The following TSC2 variants were observed in gnomAD, a reference collection of about 807,000 sequenced individuals.
The protein encoded by TSC2 is tuberin.
A neutral mutation model predicts 202.2 loss-of-function variants in TSC2; 29 were observed. The observed-to-expected ratio is 0.14, with a 90% CI of 0.11 to 0.20. The LOEUF (loss-of-function observed/expected upper bound fraction) is 0.20, where lower values mean the gene tolerates loss of function less well. Among genes scored for constraint, TSC2 ranks in the 10% least tolerant of loss-of-function variants. TSC2 has a pLI of 1.00. For missense variants in TSC2, 2,429 were observed against 2,420.0 expected (o/e 1.00, Z -0.08); for synonymous variants, 1,349 against 1,044.0 (o/e 1.29, Z -5.63).
At position 2,079,507 on chromosome 16, in the gene TSC2, G is replaced by A. The variant is rs373481645; in HGVS notation, c.3285-50G>A. ...GAGCCCAGGCCCACGTGGCACCCTC[G>A]TACCAGCCTGGGGACTAAGTCCACC... On this transcript the variant is annotated intron_variant, in intron 28 of 41. Coordinates refer to ENST00000219476, the MANE Select transcript of TSC2 (RefSeq NM_000548.5). The surrounding 1 kb of genome is among the most constrained non-coding windows in gnomAD (Gnocchi z 4.6). 6 of 1,605,728 alleles carry A rather than the reference G, an allele frequency of 3.7e-6. No homozygotes were observed. The highest frequency in any genetic ancestry group is 2.2e-5 in the South Asian group (2 of 90,234).
chr16:2,074,723 A>T (rs1024603647), intron 22 of TSC2: 1 of 414,936 alleles, frequency 2.4e-6, no homozygotes, highest in Admixed American at 3.6e-5. Context: ...CTTCCCCCAG[A>T]CTGTGACTTC....
chr16:2,088,134 G>A lies in TSC2; in HGVS notation c.5155G>A (p.Ala1719Thr), dbSNP rs201206500. The A allele has an allele frequency of 2.1e-5, 34 of 1,612,966 alleles. No homozygotes were observed. Among genetic ancestry groups the A allele is most frequent in the African/African-American group, 4.0e-5 (3 of 75,056 alleles). The change falls in exon 40 of 42, where the codon GCA becomes ACA. Residue 1719 changes from alanine (A) to threonine (T), a missense_variant. Coordinates refer to ENST00000219476, the MANE Select transcript of TSC2 (RefSeq NM_000548.5). ...PFVARQMALHANMASQVHHSR... is the reference protein window; with the variant it reads ...PFVARQMALHTNMASQVHHSR... ...CGTGGCCCGCCAGATGGCCCTGCAC[G>A]CAAATGTGAGTGGGGGTGGGTCCAG...
Position 2,060,789 on chromosome 16 carries a change from C to G in TSC2, c.1095C>G (p.Ile365Met), listed in dbSNP as rs757135168. Residue 365 changes from isoleucine to methionine, a missense_variant, in exon 11 of 42, where the codon ATC becomes ATG. Coordinates refer to ENST00000219476, the MANE Select transcript of TSC2 (RefSeq NM_000548.5). ...CGTGGGACATTCTGCTGAACATCATCGAACGGCTCCTTCAGCAGCTCCAGG... is the reference window on the plus strand; with the variant it reads ...CGTGGGACATTCTGCTGAACATCATGGAACGGCTCCTTCAGCAGCTCCAGG... The part of the protein sequence containing the change: ...VVAWDILLNI[I>M]ERLLQQLQTL... The G allele has an allele frequency of 6.2e-7, 1 of 1,613,736 alleles. No individual in the cohort carries two copies. The highest frequency in any genetic ancestry group is 8.5e-7 in the Non-Finnish European group (1 of 1,179,892).
chr16:2,064,045 C>G (rs938522983), intron 14 of TSC2: 3 of 658,250 alleles, frequency 4.6e-6, no homozygotes, highest in Non-Finnish European at 8.0e-6. Context: ...CCCGGCCGCC[C>G]TGCGGTGCTC....
intron 25 of TSC2, 65 bp downstream of exon 25, chr16:2,076,650 G>A (rs1797883997): frequency 6.6e-7 from 1 of 1,524,958 alleles, no homozygotes; most frequent in Non-Finnish European, 9.0e-7. Context: ...GCTGTGGCCT[G>A]CCTGACGGTG....
chr16:2,056,030 C>A, intron 6 of TSC2, 166 bp from the exon 7 acceptor site: 1 of 755,540 alleles, frequency 1.3e-6, no homozygotes, highest in Non-Finnish European at 2.3e-6. Flanking sequence ...GCACCGAGAG[C>A]AGTGGCTGGC....
intron 2 of TSC2, among the ~76,000 whole-genome samples, chr16:2,049,783 C>T (rs1205023846): frequency 1.3e-5 from 2 of 151,628 alleles, no homozygotes; most frequent in African/African-American, 4.8e-5. Flanking sequence ...GTGATCGCGC[C>T]ACTGCACTCC....
At chr16:2,083,934 C>T (rs2090448169) in intron 33 of TSC2, 118 bp downstream of exon 33, 2 of 1,454,796 alleles carry the variant, frequency 1.4e-6, no homozygotes, top group South Asian at 1.4e-5. Context: ...GGGAGATGTT[C>T]TTCCACATCC....
rs1258692002 is a variant in TSC2, at chr16:2,076,487, C to T, written c.2743-4C>T. ...TCACTGTCTGGGTGTGCTCACTCTGCCAGGGCCTGCGGTCCAATGTCCTCT... is the reference window on the plus strand; with the variant it reads ...TCACTGTCTGGGTGTGCTCACTCTGTCAGGGCCTGCGGTCCAATGTCCTCT... On this transcript the variant is annotated splice_polypyrimidine_tract_variant and splice_region_variant and intron_variant, in intron 24 of 41. Coordinates refer to ENST00000219476, the MANE Select transcript of TSC2 (RefSeq NM_000548.5). 2.5e-6 allele frequency: 4 copies of T among 1,613,230 alleles called. No homozygotes were observed. Among genetic ancestry groups the T allele is most frequent in the Non-Finnish European group, 3.4e-6 (4 of 1,179,994 alleles).
intron 7 of TSC2, 41 bp downstream of exon 7, chr16:2,056,285 G>C: frequency 6.2e-7 from 1 of 1,613,198 alleles, no homozygotes; most frequent in African/African-American, 1.3e-5. Flanking sequence ...ATTTCACCCT[G>C]GTTTCTGGGA....
chr16:2,055,899 A>G (rs1202089489), intron 6 of TSC2: 3 of 511,938 alleles, frequency 5.9e-6, no homozygotes, highest in Non-Finnish European at 7.1e-6. Context: ...TCAAAAAAAA[A>G]AAAAAAAAAA....
intron 38 of TSC2, chr16:2,087,111 G>C (rs1031783802): frequency 1.6e-6 from 1 of 609,192 alleles, no homozygotes; most frequent in Middle Eastern, 4.6e-4. Flanking sequence ...TGCAGACTGG[G>C]TGTGCTGGGT....
chr16:2,080,726 C>T (rs9923663), intron 30 of TSC2: 86,139 of 282,612 alleles, frequency 0.3, 16,217 homozygotes, highest in African/African-American at 0.58. Flanking sequence ...CCTCGTGATC[C>T]GCCCGCCTTG....
chr16:2,064,639 C>A, intron 15 of TSC2: 1 of 731,788 alleles, frequency 1.4e-6, no homozygotes, highest in Non-Finnish European at 2.2e-6. Context: ...ACATGGGTGT[C>A]CTGTCACACT....
chr16:2,066,017 G>A (rs2087300802), intron 16 of TSC2, among the ~76,000 whole-genome samples: 1 of 152,158 alleles, frequency 6.6e-6, no homozygotes, highest in Non-Finnish European at 1.5e-5. Context: ...TACATATCAT[G>A]CAATTTACCC....
chr16:2,077,336 C>T (rs1171657978), intron 25 of TSC2: 15 of 523,026 alleles, frequency 2.9e-5, no homozygotes, highest in South Asian at 2.2e-4. Flanking sequence ...TTTGCACTGA[C>T]GTTGTTTGTT....
At chr16:2,076,035 C>T (rs2151385129) in intron 23 of TSC2, 33 bp from the exon 24 acceptor site, 1 of 1,613,770 alleles carries the variant, frequency 6.2e-7, no homozygotes, top group Non-Finnish European at 8.5e-7. Context: ...TCCCTGCTGC[C>T]AGGATGGAGT....
chr16:2,083,491 A>C lies in TSC2; in HGVS notation c.3884-204A>C, dbSNP rs1161421088. 3.5e-6 allele frequency: 3 copies of C among 848,630 alleles called. No individual in the cohort carries two copies. The African/African-American group carries it at 5.0e-5, about 14-fold the overall frequency. The allele number at this position is 848,630 out of a possible 1,614,324, so 52.6% of individuals were successfully genotyped here. A position where few individuals can be genotyped will look rare whatever the true frequency, so the allele number is the denominator to read the frequency against. The stretch of plus-strand genomic sequence containing the variant: ...CTGCCCAACCCCCGGGCACTCATGC[A>C]GGAGAGGCCTGTGTCGGGGTCACGT... On this transcript the variant is annotated intron_variant, in intron 32 of 41. Transcript: ENST00000219476.
intron 36 of TSC2, 148 bp from the exon 37 acceptor site, chr16:2,086,044 TG>T: frequency 1.1e-6 from 1 of 907,012 alleles, no homozygotes; most frequent in Non-Finnish European, 1.7e-6. Flanking sequence ...ACCCGATGTC[TG>T]GCCTGGGTGG....
Sources: allele counts gnomAD v4.1 joint callset (sites outside exome capture counted in the v4.1 genomes callset), GRCh38; gene constraint gnomAD v4.1.1; non-coding constraint Gnocchi (gnomAD v3.1); transcripts MANE v1.5; gene names NCBI Gene and HGNC (gene_info 2026-07-23, HGNC 2026-07-21).